Variants in TMTC2 observed in about 807,000 individuals in gnomAD.
TMTC2 encodes protein O-mannosyl-transferase TMTC2.
A neutral mutation model predicts 82.4 loss-of-function variants in TMTC2; 43 were observed. The observed-to-expected ratio is 0.52, with a 90% CI of 0.41 to 0.67. TMTC2 has a LOEUF of 0.67. TMTC2 is among the 30% of genes least tolerant of loss of function. The pLI, the probability that TMTC2 is intolerant of heterozygous loss-of-function variation, is 0.00. For missense variants in TMTC2, 919 were observed against 1,012.4 expected (o/e 0.91, Z 1.25); for synonymous variants, 408 against 381.9 (o/e 1.07, Z -0.80).
intron 4 of TMTC2, among the ~76,000 whole-genome samples, chr12:82,962,018 A>G (rs1275619156): frequency 6.6e-6 from 1 of 152,068 alleles, no homozygotes; most frequent in Non-Finnish European, 1.5e-5. Context: ...CTCACAGTAT[A>G]TATATATTCC....
chr12:82,833,006 G>GT (rs1869834707), intron 1 of TMTC2, among the ~76,000 whole-genome samples: 1 of 152,280 alleles, frequency 6.6e-6, no homozygotes, highest in South Asian at 2.1e-4. Flanking sequence ...CCAAGATGGT[G>GT]TCAGACTAGC....
intron 8 of TMTC2, among the ~76,000 whole-genome samples, chr12:83,011,036 T>C (rs557013504): frequency 2.6e-5 from 4 of 152,270 alleles, no homozygotes; most frequent in African/African-American, 9.6e-5. Flanking sequence ...GGTTTTGCCA[T>C]GTTGGCCAGG....
At chr12:82,914,235 C>T (rs964949769) in intron 3 of TMTC2, among the ~76,000 whole-genome samples, 6 of 152,176 alleles carry the variant, frequency 3.9e-5, no homozygotes, top group African/African-American at 1.4e-4. Flanking sequence ...CAGTTATTTA[C>T]AAATAATTGT....
At chr12:82,859,546 A>G (rs1871427148) in intron 2 of TMTC2, among the ~76,000 whole-genome samples, 1 of 152,224 alleles carries the variant, frequency 6.6e-6, no homozygotes, top group African/African-American at 2.4e-5. Context: ...AATATGTTCT[A>G]TACAATATTT....
chr12:82,744,850 T>A (rs967284829), intron 1 of TMTC2, among the ~76,000 whole-genome samples: 51 of 152,196 alleles, frequency 3.4e-4, no homozygotes, highest in Non-Finnish European at 7.4e-5. Context: ...CTACTTTCCC[T>A]ATGGAAACTT....
chr12:82,796,011 T>TA (rs1173265812), intron 1 of TMTC2, among the ~76,000 whole-genome samples: 1 of 152,078 alleles, frequency 6.6e-6, no homozygotes, highest in Non-Finnish European at 1.5e-5. Flanking sequence ...TCAGAGGTAA[T>TA]AAGATGGGTT....
chr12:82,950,405 A>T (rs1196778572), intron 4 of TMTC2, among the ~76,000 whole-genome samples: 7 of 152,174 alleles, frequency 4.6e-5, no homozygotes, highest in Non-Finnish European at 1.0e-4. Context: ...TATATATTCA[A>T]AAGGTAGGTA....
rs1431722816 is a variant in TMTC2, at chr12:82,696,963, CGTATATAT to C, written c.83+9295_83+9302del. On this transcript the variant is annotated intron_variant, in intron 1 of 11. Coordinates refer to ENST00000321196, the MANE Select transcript of TMTC2 (RefSeq NM_152588.3). ...AGCTCTCTTTCTACATACATACATA[CGTATATAT>C]ATATATATATATGTTTCTATTAATA... is the stretch of plus-strand genomic sequence containing the variant. Among the ~76,000 whole-genome samples the C allele has an allele frequency of 4.1e-5, 5 of 121,348 alleles. No individual in the cohort carries two copies. In the East Asian group the frequency reaches 1.6e-3, roughly 39 times the overall value. The allele number at this position is 121,348 out of a possible 152,430, so 79.6% of individuals were successfully genotyped here.
intron 4 of TMTC2, among the ~76,000 whole-genome samples, chr12:82,952,195 A>AT (rs1478595295): frequency 6.6e-6 from 1 of 152,132 alleles, no homozygotes; most frequent in Non-Finnish European, 1.5e-5. Flanking sequence ...TATGAAAAGG[A>AT]TTCATATGCC....
chr12:82,975,185 G>T (rs1878616351), intron 7 of TMTC2, among the ~76,000 whole-genome samples: 1 of 152,106 alleles, frequency 6.6e-6, no homozygotes, highest in South Asian at 2.1e-4. Flanking sequence ...GGGGTATTGT[G>T]TTCAGAGCCT....
chr12:83,130,078 A>T (rs11115606), intron 11 of TMTC2, among the ~76,000 whole-genome samples: 62,644 of 152,036 alleles, frequency 0.41, 14,082 homozygotes, highest in African/African-American at 0.58. Context: ...CCATTTCTGG[A>T]TAGTAAGGAA....
intron 2 of TMTC2, among the ~76,000 whole-genome samples, chr12:82,884,406 T>C (rs1872986939): frequency 6.6e-6 from 1 of 152,212 alleles, no homozygotes; most frequent in Non-Finnish European, 1.5e-5. Context: ...TAAGTGACTA[T>C]GTTGAGTTAT....
chr12:82,765,983 G>T (rs1876938336), intron 1 of TMTC2, among the ~76,000 whole-genome samples: 1 of 152,090 alleles, frequency 6.6e-6, no homozygotes, highest in South Asian at 2.1e-4. Context: ...TTTGGGGTGA[G>T]GCCCAAAACG....
At chr12:82,691,249 TG>T (rs1872562735) in intron 1 of TMTC2, among the ~76,000 whole-genome samples, 1 of 152,224 alleles carries the variant, frequency 6.6e-6, no homozygotes, top group East Asian at 1.9e-4. Context: ...ATTTTCTTAT[TG>T]CCCATTTTGC....
chr12:82,920,383 C>T (rs1479907040), intron 3 of TMTC2, among the ~76,000 whole-genome samples: 1 of 152,076 alleles, frequency 6.6e-6, no homozygotes, highest in East Asian at 1.9e-4. Flanking sequence ...CAGATCACAG[C>T]ATTTCTAGAG....
At chr12:82,938,326 GA>G (rs1342293611) in intron 4 of TMTC2, among the ~76,000 whole-genome samples, 3 of 152,128 alleles carry the variant, frequency 2.0e-5, no homozygotes, top group Non-Finnish European at 2.9e-5. Context: ...TACAATTGGT[GA>G]GACTACTTGA....
At chr12:82,771,512 T>TG (rs1400897038) in intron 1 of TMTC2, among the ~76,000 whole-genome samples, 2 of 152,134 alleles carry the variant, frequency 1.3e-5, no homozygotes, top group African/African-American at 2.4e-5. Context: ...TTTGTGTGTG[T>TG]TTTTTTAACT....
At chr12:83,044,128 T>C (rs1205043008) in intron 9 of TMTC2, among the ~76,000 whole-genome samples, 1 of 152,216 alleles carries the variant, frequency 6.6e-6, no homozygotes, top group Non-Finnish European at 1.5e-5. Context: ...CTGCAAGATA[T>C]GGAAATATGA....
At chr12:82,831,581 G>T (rs555864213) in intron 1 of TMTC2, among the ~76,000 whole-genome samples, 1 of 152,078 alleles carries the variant, frequency 6.6e-6, no homozygotes, top group Non-Finnish European at 1.5e-5. Context: ...CTTCTTGTGG[G>T]TGATCTTCAT....
Sources: allele counts gnomAD v4.1 joint callset (sites outside exome capture counted in the v4.1 genomes callset), GRCh38; gene constraint gnomAD v4.1.1; transcripts MANE v1.5; gene names NCBI Gene and HGNC (gene_info 2026-07-23, HGNC 2026-07-21).